The following ANTXR1 variants were observed in gnomAD, a reference collection of about 807,000 sequenced individuals.
ANTXR1 encodes the protein ANTXR cell adhesion molecule 1.
Under a neutral mutation model 78.1 loss-of-function variants are expected in ANTXR1, and 19 were observed. The observed-to-expected ratio is 0.24, with a 90% CI of 0.17 to 0.36. The LOEUF is 0.36. ANTXR1 is among the 10% of genes least tolerant of loss of function. The probability of loss-of-function intolerance (pLI) is 1.00; values close to 1 mark genes in which losing one functional copy is unlikely to be tolerated. For missense variants in ANTXR1, 518 were observed against 718.6 expected, an observed-to-expected ratio of 0.72 and a Z score of 3.19; for synonymous variants, 273 against 260.5, an observed-to-expected ratio of 1.05 and a Z score of -0.46.
At chr2:69,057,435 A>C (rs1355686485) in intron 3 of ANTXR1, among the ~76,000 whole-genome samples, 1 of 152,194 alleles carries the variant, frequency 6.6e-6, no homozygotes, top group Non-Finnish European at 1.5e-5. Flanking sequence ...TCATTCTCTC[A>C]ATATTTCAAC....
At chr2:69,067,445 CTT>C (rs372043237) in intron 3 of ANTXR1, among the ~76,000 whole-genome samples, 17,978 of 123,230 alleles carry the variant, frequency 0.15, 1,702 homozygotes, top group African/African-American at 0.31. Flanking sequence ...CCCAAGAAGC[CTT>C]TTTTTTTTTT....
intron 10 of ANTXR1, among the ~76,000 whole-genome samples, chr2:69,121,523 T>C (rs1480443029): frequency 3.9e-5 from 6 of 152,210 alleles, no homozygotes; most frequent in Admixed American, 3.3e-4. Context: ...CTCAGATGTG[T>C]CCTCTATCTC....
At chr2:69,015,272 C>CAAA (rs10536364) in intron 1 of ANTXR1, among the ~76,000 whole-genome samples, 11,450 of 91,534 alleles carry the variant, frequency 0.13, 561 homozygotes, top group Middle Eastern at 0.19. Context: ...CTTATCTTAG[C>CAAA]AAAAAAAAAA....
chr2:69,013,594 G>C lies in ANTXR1; in HGVS notation c.95G>C (p.Arg32Thr). The C allele has an allele frequency of 6.4e-7, 1 of 1,563,100 alleles. No homozygotes were observed. Among genetic ancestry groups the C allele is most frequent in the Non-Finnish European group, 8.7e-7 (1 of 1,152,718 alleles). The change falls in exon 1 of 18, where the codon AGG becomes ACG. Residue 32 changes from arginine to threonine, a missense_variant. By Grantham distance (71) the Arg-to-Thr change is moderately conservative. Coordinates refer to ENST00000303714, the MANE Select transcript of ANTXR1 (RefSeq NM_032208.3). This position sits in a 1 kb window ranked among gnomAD's most constrained non-coding sequence, Gnocchi z 5.0. ...VLICAGQGGR[R>T]EDGGPACYGG... The stretch of plus-strand genomic sequence containing the variant: ...ATCTGCGCCGGGCAAGGGGGACGCA[G>C]GGAGGATGGGGGTCCAGCCTGCTAC...
At chr2:69,229,498 C>T (rs927964783) in intron 17 of ANTXR1, among the ~76,000 whole-genome samples, 1 of 152,134 alleles carries the variant, frequency 6.6e-6, no homozygotes, top group African/African-American at 2.4e-5. Flanking sequence ...AAATCTTAGT[C>T]GGTTTATCTT....
At chr2:69,114,585 C>T (rs148918567) in intron 10 of ANTXR1, among the ~76,000 whole-genome samples, 120 of 152,308 alleles carry the variant, frequency 7.9e-4, no homozygotes, top group African/African-American at 2.6e-3. Context: ...TCCAAGACTG[C>T]CCACAGCTCT....
chr2:69,230,715 G>C (rs964652921), intron 17 of ANTXR1, among the ~76,000 whole-genome samples: 1 of 152,290 alleles, frequency 6.6e-6, no homozygotes. Context: ...ATGCACAAGT[G>C]TGTAAATAGG....
At chr2:69,203,514 AG>A (rs893414160) in intron 17 of ANTXR1, among the ~76,000 whole-genome samples, 4 of 152,216 alleles carry the variant, frequency 2.6e-5, no homozygotes, top group African/African-American at 9.6e-5. Flanking sequence ...TTAAACCCAA[AG>A]TTGATGCTGC....
intron 8 of ANTXR1, among the ~76,000 whole-genome samples, chr2:69,080,986 G>T (rs1192599873): frequency 1.3e-5 from 2 of 152,204 alleles, no homozygotes; most frequent in Middle Eastern, 3.2e-3. Context: ...GAGCAATCAG[G>T]CTTGAAATCA....
At chr2:69,193,476 C>CAA in intron 17 of ANTXR1, 61 bp downstream of exon 17, 3 of 1,289,542 alleles carry the variant, frequency 2.3e-6, no homozygotes, top group Non-Finnish European at 3.4e-6. Context: ...CACACACACA[C>CAA]ACACACACAC....
intron 13 of ANTXR1, among the ~76,000 whole-genome samples, chr2:69,165,470 C>A (rs1019516437): frequency 6.6e-6 from 1 of 152,206 alleles, no homozygotes; most frequent in Non-Finnish European, 1.5e-5. Context: ...CAACAATGAG[C>A]CTGTCTATAC....
chr2:69,080,335 C>G (rs923668206), intron 8 of ANTXR1, among the ~76,000 whole-genome samples: 1 of 152,050 alleles, frequency 6.6e-6, no homozygotes, highest in African/African-American at 2.4e-5. Flanking sequence ...TCCCCCCCAT[C>G]TGAAGCCTCT....
chr2:69,085,319 G>A (rs915844250), intron 8 of ANTXR1, among the ~76,000 whole-genome samples: 2 of 152,128 alleles, frequency 1.3e-5, no homozygotes, highest in Non-Finnish European at 2.9e-5. Context: ...TAATACAGGG[G>A]ATTATGATAT....
At chr2:69,071,157 G>C (rs1670552216) in intron 4 of ANTXR1, among the ~76,000 whole-genome samples, 1 of 151,958 alleles carries the variant, frequency 6.6e-6, no homozygotes, top group Non-Finnish European at 1.5e-5. Context: ...AGGCCATAAG[G>C]AATAAGACAT....
At chr2:69,032,381 C>A (rs1319447846) in intron 1 of ANTXR1, among the ~76,000 whole-genome samples, 1 of 149,338 alleles carries the variant, frequency 6.7e-6, no homozygotes, top group Non-Finnish European at 1.5e-5. Context: ...TCTCTACCCA[C>A]CCCCCCAAAA....
intron 3 of ANTXR1, among the ~76,000 whole-genome samples, chr2:69,048,353 T>C (rs948063436): frequency 3.3e-5 from 5 of 152,192 alleles, no homozygotes; most frequent in Non-Finnish European, 7.4e-5. Context: ...TCTGTATACA[T>C]TTGGTTATGA....
At chr2:69,092,654 GAGAATCTCTTTAAGAATTC>G (rs1671277268) in intron 9 of ANTXR1, among the ~76,000 whole-genome samples, 1 of 152,188 alleles carries the variant, frequency 6.6e-6, no homozygotes, top group Non-Finnish European at 1.5e-5. Context: ...GTAGATCGGT[GAGAATCTCTTTAAGAATTC>G]AGAAATCTTA....
intron 17 of ANTXR1, among the ~76,000 whole-genome samples, chr2:69,201,770 C>T (rs1272075599): frequency 1.3e-5 from 2 of 152,144 alleles, no homozygotes; most frequent in African/African-American, 4.8e-5. Context: ...GCCTGCCATT[C>T]ACCAGGATGA....
intron 9 of ANTXR1, among the ~76,000 whole-genome samples, chr2:69,098,555 CA>C (rs1255221846): frequency 2.0e-5 from 3 of 151,764 alleles, no homozygotes; most frequent in African/African-American, 7.2e-5. Context: ...TCCACATTTC[CA>C]AAAAGAAAAA....
Sources: allele counts gnomAD v4.1 joint callset (sites outside exome capture counted in the v4.1 genomes callset), GRCh38; gene constraint gnomAD v4.1.1; non-coding constraint Gnocchi (gnomAD v3.1); transcripts MANE v1.5; gene names NCBI Gene and HGNC (gene_info 2026-07-23, HGNC 2026-07-21).